The following MND1 variants were observed in gnomAD, a reference collection of about 807,000 sequenced individuals.
The protein encoded by MND1 is meiotic nuclear divisions 1.
A neutral mutation model predicts 35.1 loss-of-function variants in MND1; 28 were observed. That is an observed-to-expected ratio of 0.80 (90% CI 0.59 to 1.09). The LOEUF is 1.09. Among genes scored for constraint, MND1 ranks in the 50% least tolerant of loss-of-function variants. The pLI is 0.00. For missense variants in MND1, 213 were observed against 239.6 expected, an observed-to-expected ratio of 0.89 and a Z score of 0.73; for synonymous variants, 69 against 70.5, an observed-to-expected ratio of 0.98 and a Z score of 0.11.
At chr4:153,388,087 A>G (rs755528507) in intron 4 of MND1, among the ~76,000 whole-genome samples, 1 of 152,218 alleles carries the variant, frequency 6.6e-6, no homozygotes, top group Non-Finnish European at 1.5e-5. Flanking sequence ...CAGGCAATGA[A>G]TTAGCCCTTT....
chr4:153,375,322 C>G (rs1363432226), intron 4 of MND1, among the ~76,000 whole-genome samples: 2 of 152,086 alleles, frequency 1.3e-5, no homozygotes, highest in Non-Finnish European at 2.9e-5. Flanking sequence ...CTTACACTTG[C>G]ATGAAGTACG....
At chr4:153,348,901 T>G (rs1014180930) in intron 1 of MND1, among the ~76,000 whole-genome samples, 1 of 152,244 alleles carries the variant, frequency 6.6e-6, no homozygotes, top group African/African-American at 2.4e-5. Context: ...TCTTCACTTA[T>G]GTAAACTCAC....
chr4:153,384,205 C>T (rs1405436407), intron 4 of MND1, among the ~76,000 whole-genome samples: 1 of 145,866 alleles, frequency 6.9e-6, no homozygotes, highest in African/African-American at 2.5e-5. Context: ...AAAAATGGTT[C>T]CTTTTAAAAT....
chr4:153,350,071 A>G lies in MND1; in HGVS notation c.11A>G (p.Lys4Arg), dbSNP rs761806919. Residue 4 changes from lysine (K) to arginine (R), a missense_variant, in exon 2 of 8, where the codon AAA (lysine) becomes AGA (arginine). By Grantham distance (26) the Lys-to-Arg change is conservative (BLOSUM62 2). Coordinates refer to ENST00000240488, the MANE Select transcript of MND1 (RefSeq NM_032117.4). MSKKKGLSAEEKRT... is the reference protein window; with the variant it reads MSKRKGLSAEEKRT... ...TTAATTTTTTTGCTTTAGTCAAAGA[A>G]AAAAGGACTGAGTGCAGAAGAAAAG... 1 of 1,596,472 alleles carries G rather than the reference A, an allele frequency of 6.3e-7. No homozygotes were observed. The highest frequency in any genetic ancestry group is 8.5e-7 in the Non-Finnish European group (1 of 1,172,966).
chr4:153,392,346 CG>C (rs1285302281), intron 4 of MND1, among the ~76,000 whole-genome samples: 1 of 151,994 alleles, frequency 6.6e-6, no homozygotes, highest in African/African-American at 2.4e-5. Context: ...ACCTCGTGAT[CG>C]GCCCGCCTCA....
intron 4 of MND1, among the ~76,000 whole-genome samples, chr4:153,390,850 A>C (rs1354395472): frequency 6.6e-6 from 1 of 151,852 alleles, no homozygotes; most frequent in African/African-American, 2.4e-5. Context: ...ACAAAACAAA[A>C]AAACAGAACC....
intron 6 of MND1, 144 bp from the exon 7 acceptor site, chr4:153,408,827 A>T (rs550470847): frequency 4.9e-6 from 1 of 202,414 alleles, no homozygotes; most frequent in East Asian, 1.2e-4. Flanking sequence ...AGCTTTTTTC[A>T]TAGCCATTTT....
At position 153,397,351 on chromosome 4, in the gene MND1, C is replaced by T. The variant is rs1729226018; in HGVS notation, c.466+18C>T. The T allele has an allele frequency of 1.3e-6, 2 of 1,548,076 alleles. No homozygotes were observed. Among genetic ancestry groups the T allele is most frequent in the Admixed American group, 1.9e-5 (1 of 53,940 alleles). ...AGAAATACGTAAGTTTGTGTCATAC[C>T]TTAGGGATCTTTAACTTTGATAATG... On this transcript the variant is annotated intron_variant, in intron 6 of 7. Transcript: ENST00000240488.
chr4:153,360,600 G>GTA (rs1348141318), intron 4 of MND1, among the ~76,000 whole-genome samples: 38 of 144,248 alleles, frequency 2.6e-4, no homozygotes, highest in African/African-American at 3.7e-4. Context: ...GTGTGTGTGT[G>GTA]TGTGTGTATA....
intron 2 of MND1, among the ~76,000 whole-genome samples, chr4:153,352,709 G>A (rs1169813208): frequency 7.1e-6 from 1 of 141,294 alleles, no homozygotes. Flanking sequence ...CTGTCACTCA[G>A]GCACTCTAGC....
At chr4:153,370,037 T>C (rs1773751608) in intron 4 of MND1, among the ~76,000 whole-genome samples, 1 of 151,978 alleles carries the variant, frequency 6.6e-6, no homozygotes, top group Non-Finnish European at 1.5e-5. Flanking sequence ...ATCCCAGCAC[T>C]TCGGGAGGCT....
chr4:153,389,053 CAG>C (rs1376787928), intron 4 of MND1, among the ~76,000 whole-genome samples: 18 of 152,252 alleles, frequency 1.2e-4, no homozygotes, highest in Middle Eastern at 3.4e-3. Context: ...AGGCACCACT[CAG>C]AGGTGAGCAC....
chr4:153,370,333 A>G (rs1216640116), intron 4 of MND1, among the ~76,000 whole-genome samples: 5 of 152,150 alleles, frequency 3.3e-5, no homozygotes, highest in African/African-American at 1.2e-4. Flanking sequence ...AGATTGCAGC[A>G]ATTCAGTCAC....
intron 6 of MND1, among the ~76,000 whole-genome samples, chr4:153,404,710 C>T (rs963582819): frequency 6.6e-6 from 1 of 150,950 alleles, no homozygotes; most frequent in Non-Finnish European, 1.5e-5. Flanking sequence ...AACTCCTGAC[C>T]TCCGGTGATC....
In MND1 at chr4:153,344,760, T is replaced by C; in HGVS notation, c.3+20T>C. On this transcript the variant is annotated intron_variant, in intron 1 of 7. Transcript: ENST00000240488. ...GCCATGGTAAGGACTGAGGCTACGG[T>C]CCCGCGTCTTCTTCCTCCCTAGTGT... 1 of 1,600,330 alleles carries C rather than the reference T, an allele frequency of 6.2e-7. No individual in the cohort carries two copies. The highest frequency in any genetic ancestry group is 8.5e-7 in the Non-Finnish European group (1 of 1,174,614).
chr4:153,391,153 A>C (rs978542968), intron 4 of MND1, among the ~76,000 whole-genome samples: 2 of 151,926 alleles, frequency 1.3e-5, no homozygotes, highest in African/African-American at 2.4e-5. Context: ...GTGGAATATT[A>C]ACTTCTTTTT....
At chr4:153,346,747 C>T (rs1292061595) in intron 1 of MND1, among the ~76,000 whole-genome samples, 2 of 152,260 alleles carry the variant, frequency 1.3e-5, no homozygotes, top group Middle Eastern at 3.4e-3. Flanking sequence ...AAACTGGGTA[C>T]CCCAGGACGC....
intron 4 of MND1, chr4:153,381,692 A>ACATAT (rs1728705582): frequency 5.7e-5 from 1 of 17,476 alleles, no homozygotes; most frequent in Non-Finnish European, 1.0e-4. Context: ...ATATATATAT[A>ACATAT]TTTTTTTTTT....
At chr4:153,388,867 G>C (rs1027486969) in intron 4 of MND1, among the ~76,000 whole-genome samples, 53 of 152,338 alleles carry the variant, frequency 3.5e-4, no homozygotes, top group African/African-American at 1.3e-3. Context: ...AGGATGGACA[G>C]AGAAGAATTT....
Sources: allele counts gnomAD v4.1 joint callset (sites outside exome capture counted in the v4.1 genomes callset), GRCh38; gene constraint gnomAD v4.1.1; transcripts MANE v1.5; gene names NCBI Gene and HGNC (gene_info 2026-07-23, HGNC 2026-07-21).